Variants in LOC728743 observed in about 807,000 individuals in gnomAD.
At chr7:150,409,339 G>A in the LOC728743 span, among the ~76,000 whole-genome samples, 2 of 152,182 alleles carry the variant, frequency 1.3e-5, no homozygotes, top group Non-Finnish European at 1.5e-5. Flanking sequence ...CTGGAGCCTC[G>A]AGGGGCTTGG....
the LOC728743 span, chr7:150,404,964 CCT>C: frequency 5.9e-5 from 9 of 152,374 alleles, no homozygotes; most frequent in Non-Finnish European, 1.0e-4. Flanking sequence ...TCCGTCCGAC[CCT>C]CTTTCCTGTC....
chr7:150,408,407 C>T, the LOC728743 span: 8 of 358,408 alleles, frequency 2.2e-5, no homozygotes, highest in South Asian at 1.5e-4. Flanking sequence ...GTTCCTCCCT[C>T]GGGACCCTCT....
At chr7:150,402,239 G>C in the LOC728743 span, among the ~76,000 whole-genome samples, 1 of 152,188 alleles carries the variant, frequency 6.6e-6, no homozygotes, top group Non-Finnish European at 1.5e-5. Flanking sequence ...CAAGTTTAAG[G>C]GTTTGAATTG....
At chr7:150,408,503 G>A in the LOC728743 span, 1 of 284,494 alleles carries the variant, frequency 3.5e-6, no homozygotes, top group Non-Finnish European at 6.5e-6. Context: ...GACCTGCGGG[G>A]CTGGCCAGAG....
At chr7:150,408,396 C>T in the LOC728743 span, 4 of 361,020 alleles carry the variant, frequency 1.1e-5, no homozygotes, top group East Asian at 8.2e-5. Flanking sequence ...CGCCCGCTCG[C>T]GTTCCTCCCT....
the LOC728743 span, among the ~76,000 whole-genome samples, chr7:150,403,187 G>A: frequency 6.6e-6 from 1 of 152,116 alleles, no homozygotes; most frequent in African/African-American, 2.4e-5. This position sits in a 1 kb window ranked among gnomAD's most constrained non-coding sequence, Gnocchi z 5.1. Flanking sequence ...GGAACCTTGG[G>A]GGAGACAGGG....
the LOC728743 span, among the ~76,000 whole-genome samples, chr7:150,402,277 A>C: frequency 6.6e-6 from 1 of 152,218 alleles, no homozygotes; most frequent in Non-Finnish European, 1.5e-5. Flanking sequence ...CTGGGTTTTA[A>C]TTCCAAGGAA....
the LOC728743 span, among the ~76,000 whole-genome samples, chr7:150,403,281 G>A: frequency 6.6e-6 from 1 of 152,148 alleles, no homozygotes. The surrounding 1 kb of genome is among the most constrained non-coding windows in gnomAD (Gnocchi z 5.1). Flanking sequence ...GGAGGCCTCT[G>A]GGAGCCCTTG....
the LOC728743 span, chr7:150,410,299 G>C: frequency 2.5e-6 from 1 of 398,000 alleles, no homozygotes; most frequent in Admixed American, 4.4e-5. Context: ...CCTGCCTCAA[G>C]AGGTGCACTG....
the LOC728743 span, among the ~76,000 whole-genome samples, chr7:150,403,361 C>A: frequency 6.6e-6 from 1 of 152,216 alleles, no homozygotes; most frequent in African/African-American, 2.4e-5. The surrounding 1 kb of genome is among the most constrained non-coding windows in gnomAD (Gnocchi z 5.1). Flanking sequence ...CCACCCCCAT[C>A]CCCTAGCCGT....
the LOC728743 span, among the ~76,000 whole-genome samples, chr7:150,401,509 C>T: frequency 6.6e-6 from 1 of 152,210 alleles, no homozygotes; most frequent in African/African-American, 2.4e-5. Context: ...TATCTTTGAC[C>T]TTTAGGCAGC....
At chr7:150,404,242 CCT>C in the LOC728743 span, among the ~76,000 whole-genome samples, 2 of 152,316 alleles carry the variant, frequency 1.3e-5, no homozygotes, top group South Asian at 2.1e-4. Flanking sequence ...TCCTCTCAGG[CCT>C]CTGTTTTTTT....
At chr7:150,406,635 C>T in the LOC728743 span, among the ~76,000 whole-genome samples, 2 of 152,300 alleles carry the variant, frequency 1.3e-5, no homozygotes, top group Admixed American at 1.3e-4. Context: ...TGCTCCGCCC[C>T]TTTCTCAGGG....
chr7:150,408,225 G>A, the LOC728743 span: 5 of 390,682 alleles, frequency 1.3e-5, no homozygotes, highest in East Asian at 1.5e-4. Flanking sequence ...GTGCTATGAT[G>A]CGCCCGGGGC....
the LOC728743 span, chr7:150,411,959 C>A: frequency 6.5e-6 from 1 of 153,282 alleles, no homozygotes; most frequent in Admixed American, 6.5e-5. Context: ...AGCCCACATT[C>A]CTCCTTCCTG....
At chr7:150,404,247 GTTTT>G in the LOC728743 span, among the ~76,000 whole-genome samples, 4 of 152,174 alleles carry the variant, frequency 2.6e-5, no homozygotes, top group African/African-American at 4.8e-5. Flanking sequence ...TCAGGCCTCT[GTTTT>G]TTTGTCTGTC....
At chr7:150,409,149 G>GT in the LOC728743 span, among the ~76,000 whole-genome samples, 1 of 147,754 alleles carries the variant, frequency 6.8e-6, no homozygotes, top group Non-Finnish European at 1.5e-5. Context: ...AAGGGAGGGG[G>GT]GGTCCTGATA....
the LOC728743 span, chr7:150,408,372 C>T: frequency 2.8e-6 from 1 of 363,010 alleles, no homozygotes; most frequent in Non-Finnish European, 4.9e-6. Context: ...TGTGGGCCGC[C>T]GCCAGGCTCC....
the LOC728743 span, among the ~76,000 whole-genome samples, chr7:150,409,590 C>T: frequency 6.6e-6 from 1 of 152,208 alleles, no homozygotes; most frequent in African/African-American, 2.4e-5. Context: ...GATTCTGAAT[C>T]CCAGAACCTT....
Sources: gnomAD v4.1 joint callset for allele counts (sites outside exome capture counted in the v4.1 genomes callset) on GRCh38, gnomAD v4.1.1 for gene constraint, Gnocchi (gnomAD v3.1) non-coding constraint, MANE v1.5 for transcripts.